ST3GAL3: variants seen among roughly 807,000 people sequenced by gnomAD.
ST3GAL3 encodes ST3 beta-galactoside alpha-2,3-sialyltransferase 3.
Under a neutral mutation model 50.1 loss-of-function variants are expected in ST3GAL3, and 21 were observed. The ratio of observed to expected loss-of-function variants is 0.42; its 90% CI spans 0.30 to 0.60. The LOEUF (loss-of-function observed/expected upper bound fraction) is 0.60, where lower values mean the gene tolerates loss of function less well. Ranked by LOEUF, ST3GAL3 falls within the 20% of genes least tolerant of loss-of-function variation. The pLI is 0.19. For missense variants in ST3GAL3, 353 were observed against 489.4 expected (o/e 0.72, Z 2.63); for synonymous variants, 183 against 190.0 (o/e 0.96, Z 0.30).
At chr1:43,828,984 C>A (rs1252363942) in intron 4 of ST3GAL3, among the ~76,000 whole-genome samples, 1 of 152,088 alleles carries the variant, frequency 6.6e-6, no homozygotes, top group Non-Finnish European at 1.5e-5. Context: ...CAGCTTTATT[C>A]ATAATTGCCA....
Position 43,899,067 on chromosome 1 carries a change from C to T in ST3GAL3, c.462-101C>T. 6.5e-7 allele frequency: 1 copy of T among 1,542,442 alleles called. No individual in the cohort carries two copies. The highest frequency in any genetic ancestry group is 1.4e-5 in the African/African-American group (1 of 73,536). Reference sequence around the variant, plus strand: ...CATTGGTCTTCTTCCTCTATCCCAGCCTGGTCCTGGACAAGGGCGTGGGGT... The same window carrying T: ...CATTGGTCTTCTTCCTCTATCCCAGTCTGGTCCTGGACAAGGGCGTGGGGT... On this transcript the variant is annotated intron_variant, in intron 7 of 11. Coordinates refer to ENST00000347631, the MANE Select transcript of ST3GAL3 (RefSeq NM_006279.5). The surrounding 1 kb of genome is among the most constrained non-coding windows in gnomAD (Gnocchi z 5.4).
chr1:43,887,999 G>C (rs150244437), intron 5 of ST3GAL3, among the ~76,000 whole-genome samples: 2 of 152,032 alleles, frequency 1.3e-5, no homozygotes, highest in Non-Finnish European at 2.9e-5. Context: ...CATGTTGAGG[G>C]AACAGTCTTT....
At chr1:43,834,306 TC>T (rs1224779428) in intron 4 of ST3GAL3, among the ~76,000 whole-genome samples, 3 of 152,224 alleles carry the variant, frequency 2.0e-5, no homozygotes, top group African/African-American at 7.2e-5. Flanking sequence ...GCTTCCCCGC[TC>T]CGGCTATTGC....
At chr1:43,778,284 G>A (rs1398629435) in intron 2 of ST3GAL3, among the ~76,000 whole-genome samples, 1 of 152,182 alleles carries the variant, frequency 6.6e-6, no homozygotes, top group Non-Finnish European at 1.5e-5. Context: ...TGCGGGGAAG[G>A]AGAGCATCAG....
rs74070673 is a variant in ST3GAL3, at chr1:43,750,204, G to T, written c.118+13824G>T. Among the ~76,000 whole-genome samples, 1,159 of 152,262 alleles carry T rather than the reference G, an allele frequency of 7.6e-3. 22 individuals carry two copies. Among genetic ancestry groups the T allele is most frequent in the African/African-American group, 0.027 (1,101 of 41,536 alleles). ...TTAAAGATTAGCATGCTTCAACTTA[G>T]CAACTCTCTTGTGTTTTCAAATGGA... On this transcript the variant is annotated intron_variant, in intron 2 of 11. Transcript: ENST00000347631.
At chr1:43,788,450 A>T (rs192835869) in intron 2 of ST3GAL3, among the ~76,000 whole-genome samples, 1 of 152,272 alleles carries the variant, frequency 6.6e-6, no homozygotes, top group South Asian at 2.1e-4. Context: ...AACTCTTAGG[A>T]TGCTTTTCTT....
At chr1:43,751,738 A>G (rs914357368) in intron 2 of ST3GAL3, among the ~76,000 whole-genome samples, 8 of 152,172 alleles carry the variant, frequency 5.3e-5, no homozygotes, top group African/African-American at 1.4e-4. Flanking sequence ...GGTCTTTGGG[A>G]TAGAAAGATG....
At chr1:43,807,101 G>A (rs2059981090) in intron 3 of ST3GAL3, among the ~76,000 whole-genome samples, 1 of 152,182 alleles carries the variant, frequency 6.6e-6, no homozygotes, top group Admixed American at 6.5e-5. Flanking sequence ...GAATATGGCA[G>A]GGGTGATGCT....
At chr1:43,897,055 C>T (rs1362940319) in intron 6 of ST3GAL3, among the ~76,000 whole-genome samples, 1 of 136,388 alleles carries the variant, frequency 7.3e-6, no homozygotes, top group African/African-American at 2.7e-5. Context: ...TTTTTAATGG[C>T]TGTATAGGAT....
intron 10 of ST3GAL3, 41 bp downstream of exon 10, chr1:43,920,591 G>A (rs747897960): frequency 6.2e-7 from 1 of 1,611,778 alleles, no homozygotes; most frequent in African/African-American, 1.3e-5. Context: ...AGGAAAGCTG[G>A]GTCAGAAGTG....
rs1161166391 is a variant in ST3GAL3, at chr1:43,899,158, C to G, written c.462-10C>G. The G allele has an allele frequency of 3.1e-6, 5 of 1,614,010 alleles. No individual in the cohort carries two copies. The East Asian group carries it at 6.7e-5, about 22-fold the overall frequency. On this transcript the variant is annotated splice_polypyrimidine_tract_variant and intron_variant, in intron 7 of 11. Transcript: ENST00000347631. This position sits in a 1 kb window ranked among gnomAD's most constrained non-coding sequence, Gnocchi z 5.4. ...TCTCTGTACAGAGGTCTCCGCCTCTCTCCCCTCAGCCTCCGCTGCCGCCGC... is the reference window on the plus strand; with the variant it reads ...TCTCTGTACAGAGGTCTCCGCCTCTGTCCCCTCAGCCTCCGCTGCCGCCGC...
At chr1:43,851,226 A>G in intron 5 of ST3GAL3, 1 of 1,557,230 alleles carries the variant, frequency 6.4e-7, no homozygotes, top group Non-Finnish European at 8.9e-7. Flanking sequence ...TTCACCTTAT[A>G]GGGCATAGAT....
Position 43,918,669 on chromosome 1 carries a change from G to A in ST3GAL3, c.745-1735G>A, listed in dbSNP as rs564913671. On this transcript the variant is annotated intron_variant, in intron 9 of 11. Transcript: ENST00000347631. ...GTAATACCTAATTTTTAATTTGAGG[G>A]TGTTATGTTTACCTGATAAATCTTT... Among the ~76,000 whole-genome samples, 147 of 152,130 alleles carry A rather than the reference G, an allele frequency of 9.7e-4. 2 individuals carry two copies. Among genetic ancestry groups the A allele is most frequent in the African/African-American group, 3.4e-3 (141 of 41,498 alleles).
chr1:43,854,726 C>T (rs533752928), intron 5 of ST3GAL3, among the ~76,000 whole-genome samples: 1 of 152,304 alleles, frequency 6.6e-6, no homozygotes, highest in African/African-American at 2.4e-5. Flanking sequence ...TCCAACGCAC[C>T]GAATTTCCAA....
chr1:43,742,753 C>T (rs1372338636), intron 2 of ST3GAL3, among the ~76,000 whole-genome samples: 1 of 151,988 alleles, frequency 6.6e-6, no homozygotes, highest in East Asian at 1.9e-4. Flanking sequence ...AAAAAAGAAC[C>T]AAATGCAAAT....
chr1:43,867,072 A>G (rs1364004730), intron 5 of ST3GAL3, among the ~76,000 whole-genome samples: 3 of 151,898 alleles, frequency 2.0e-5, no homozygotes, highest in East Asian at 1.9e-4. Context: ...AGAGGTTGCA[A>G]TGAGCCCAGA....
intron 9 of ST3GAL3, among the ~76,000 whole-genome samples, chr1:43,915,547 G>A (rs1319661138): frequency 3.9e-5 from 6 of 152,182 alleles, no homozygotes; most frequent in Non-Finnish European, 7.3e-5. Context: ...AAGGTCAGAT[G>A]TCAGTTCTGC....
At chr1:43,790,126 G>GA (rs1266416505) in intron 2 of ST3GAL3, among the ~76,000 whole-genome samples, 11 of 152,220 alleles carry the variant, frequency 7.2e-5, no homozygotes, top group Non-Finnish European at 1.0e-4. Context: ...ATGGTTGTGA[G>GA]AAAAAAATAT....
chr1:43,929,775 C>T (rs191120461), intron 11 of ST3GAL3, among the ~76,000 whole-genome samples: 5 of 152,248 alleles, frequency 3.3e-5, no homozygotes, highest in African/African-American at 9.6e-5. Flanking sequence ...ACTGCCTGCC[C>T]GCAGGGTGTC....
Sources: allele counts gnomAD v4.1 joint callset (sites outside exome capture counted in the v4.1 genomes callset), GRCh38; gene constraint gnomAD v4.1.1; non-coding constraint Gnocchi (gnomAD v3.1); transcripts MANE v1.5; gene names NCBI Gene and HGNC (gene_info 2026-07-23, HGNC 2026-07-21).